PHLPP1: variants seen among roughly 807,000 people sequenced by gnomAD.
PHLPP1 encodes PH domain and leucine rich repeat protein phosphatase 1.
In PHLPP1, 42 loss-of-function variants were observed where a neutral mutation model predicts 117.2. That is an observed-to-expected ratio of 0.36 (90% CI 0.28 to 0.46). The LOEUF (loss-of-function observed/expected upper bound fraction) is 0.46, where lower values mean the gene tolerates loss of function less well. Ranked by LOEUF, PHLPP1 falls within the 20% of genes least tolerant of loss-of-function variation. The pLI, the probability that PHLPP1 is intolerant of heterozygous loss-of-function variation, is 1.00. For missense variants in PHLPP1, 2,084 were observed against 2,241.9 expected, an observed-to-expected ratio of 0.93 and a Z score of 1.42; for synonymous variants, 1,042 against 970.7, an observed-to-expected ratio of 1.07 and a Z score of -1.37.
In PHLPP1 at chr18:62,716,077, G is replaced by A. The variant is rs1425209608; in HGVS notation, c.394G>A (p.Ala132Thr). The change falls in exon 1 of 17, where the codon GCG becomes ACG. Residue 132 changes from alanine (A) to threonine (T), a missense_variant. Ala to Thr is a moderately conservative substitution (Grantham distance 58). Coordinates refer to ENST00000262719, the MANE Select transcript of PHLPP1 (RefSeq NM_194449.4). The surrounding 1 kb of genome is among the most constrained non-coding windows in gnomAD (Gnocchi z 5.7). ...AGGGCGGCTGAAGAGGAATCTGTCC[G>A]CGGCCGCCGCGGCCGCCTCCTCGTC... The part of the protein sequence containing the change: ...RRGRLKRNLS[A>T]AAAAASSSSS... 16 of 1,486,786 alleles carry A rather than the reference G, an allele frequency of 1.1e-5. No individual in the cohort carries two copies. Among genetic ancestry groups the A allele is most frequent in the Non-Finnish European group, 1.4e-5 (16 of 1,127,236 alleles). 92.1% of individuals were successfully genotyped at this position (1,486,786 alleles called of 1,614,324 possible).
In PHLPP1 at chr18:62,716,597, C is replaced by A. The variant is rs1910747212; in HGVS notation, c.914C>A (p.Pro305His). 1 of 1,300,344 alleles carries A rather than the reference C, an allele frequency of 7.7e-7. No homozygotes were observed. Among genetic ancestry groups the A allele is most frequent in the Non-Finnish European group, 9.7e-7 (1 of 1,026,954 alleles). 80.6% of individuals were successfully genotyped at this position (1,300,344 alleles called of 1,614,324 possible). A position where few individuals can be genotyped will look rare whatever the true frequency, so the allele number is the denominator to read the frequency against. Reference protein sequence around the residue: ...PRAPPADLPLPVGGPGGWSRR... With the variant: ...PRAPPADLPLHVGGPGGWSRR... ...GCGCCCCCCGCCGACCTACCCCTGC[C>A]CGTCGGCGGCCCGGGCGGGTGGTCG... Residue 305 changes from proline (P) to histidine (H), a missense_variant, in exon 1 of 17, where the codon CCC (proline) becomes CAC (histidine). Pro to His is a moderately conservative substitution (Grantham distance 77). Transcript: ENST00000262719. This position sits in a 1 kb window ranked among gnomAD's most constrained non-coding sequence, Gnocchi z 5.7.
At chr18:62,772,759 A>G (rs558816810) in intron 1 of PHLPP1, among the ~76,000 whole-genome samples, 266 of 147,690 alleles carry the variant, frequency 1.8e-3, no homozygotes, top group African/African-American at 6.6e-3. Context: ...TGAACCTGGC[A>G]GGTGGAGGTT....
intron 3 of PHLPP1, among the ~76,000 whole-genome samples, chr18:62,849,645 G>C (rs557323364): frequency 2.0e-4 from 17 of 86,204 alleles, no homozygotes; most frequent in Non-Finnish European, 3.4e-4. Flanking sequence ...TTGAGATTCT[G>C]TCTCAAAAAA....
intron 4 of PHLPP1, among the ~76,000 whole-genome samples, chr18:62,885,118 G>A (rs1463749614): frequency 1.3e-5 from 2 of 152,194 alleles, no homozygotes; most frequent in African/African-American, 4.8e-5. Flanking sequence ...TTAAGAAAAT[G>A]AAAAAGATTA....
chr18:62,755,925 C>T (rs1912001840), intron 1 of PHLPP1, among the ~76,000 whole-genome samples: 1 of 151,842 alleles, frequency 6.6e-6, no homozygotes, highest in South Asian at 2.1e-4. Flanking sequence ...TTCTTTTTGC[C>T]ATTTCTTTAT....
At chr18:62,876,856 G>A (rs1435844289) in intron 4 of PHLPP1, among the ~76,000 whole-genome samples, 1 of 152,302 alleles carries the variant, frequency 6.6e-6, no homozygotes, top group East Asian at 1.9e-4. Flanking sequence ...GGGTCAAGAG[G>A]GGAGTGAATT....
chr18:62,906,628 T>C (rs1397627072), intron 8 of PHLPP1, among the ~76,000 whole-genome samples: 1 of 38,064 alleles, frequency 2.6e-5, no homozygotes, highest in African/African-American at 1.0e-4. Context: ...CACGAGACTA[T>C]ATCCCACACC....
intron 1 of PHLPP1, among the ~76,000 whole-genome samples, chr18:62,787,703 A>G (rs1157605057): frequency 6.6e-6 from 1 of 152,220 alleles, no homozygotes; most frequent in Non-Finnish European, 1.5e-5. Flanking sequence ...TAATTTTCAC[A>G]GAAATTACTT....
intron 4 of PHLPP1, among the ~76,000 whole-genome samples, chr18:62,894,662 C>T (rs1916508558): frequency 6.6e-6 from 1 of 152,212 alleles, no homozygotes; most frequent in Non-Finnish European, 1.5e-5. Flanking sequence ...GCCAGCTCTG[C>T]CTGGTCCCTT....
intron 12 of PHLPP1, among the ~76,000 whole-genome samples, chr18:62,951,922 C>T (rs946208795): frequency 6.7e-6 from 1 of 150,010 alleles, no homozygotes; most frequent in Non-Finnish European, 1.5e-5. Context: ...TCACGCCATT[C>T]TCCTGCCTCA....
intron 4 of PHLPP1, among the ~76,000 whole-genome samples, chr18:62,872,332 T>C (rs899799253): frequency 3.9e-5 from 6 of 152,220 alleles, no homozygotes; most frequent in African/African-American, 1.4e-4. Flanking sequence ...GTGGTCAGAA[T>C]GTTGCTTTCC....
Position 62,978,363 on chromosome 18 carries a change from G to C in PHLPP1, c.4086G>C (p.Leu1362=), listed in dbSNP as rs773680799. The part of the protein sequence containing the change: ...VPRPHVQSVL[L]TPQDEFFILG... ...GCCCCCACGTGCAGTCCGTGCTCCT[G>C]ACTCCCCAGGATGAGTTCTTCATCC... is the stretch of plus-strand genomic sequence containing the variant. Residue 1362 remains leucine (L), a synonymous_variant, in exon 17 of 17, where the codon CTG becomes CTC. Transcript: ENST00000262719. The surrounding 1 kb of genome is among the most constrained non-coding windows in gnomAD (Gnocchi z 7.0). 6.2e-7 allele frequency: 1 copy of C among 1,612,704 alleles called. No homozygotes were observed. Among genetic ancestry groups the C allele is most frequent in the African/African-American group, 1.3e-5 (1 of 74,996 alleles).
Position 62,975,502 on chromosome 18 carries a change from T to G in PHLPP1, c.3861T>G (p.Asn1287Lys). Residue 1287 changes from asparagine to lysine, a missense_variant, in exon 16 of 17, where the codon AAT becomes AAG. Asn to Lys is a moderately conservative substitution (Grantham distance 94). Around this residue, in one of 2 missense-constraint regions of PHLPP1, gnomAD observed 1,365 missense variants for 1,605.9 expected, o/e 0.85. Coordinates refer to ENST00000262719, the MANE Select transcript of PHLPP1 (RefSeq NM_194449.4). The part of the protein sequence containing the change: ...PGGSFTLTSA[N>K]VGKCQTVLCR... ...GATCCTTCACCTTGACCTCTGCTAATGTGGGCAAGTGCCAAACAGTTCTCT... is the reference window on the plus strand; with the variant it reads ...GATCCTTCACCTTGACCTCTGCTAAGGTGGGCAAGTGCCAAACAGTTCTCT... 6.2e-7 allele frequency: 1 copy of G among 1,613,388 alleles called. No homozygotes were observed. Among genetic ancestry groups the G allele is most frequent in the Non-Finnish European group, 8.5e-7 (1 of 1,179,296 alleles).
intron 1 of PHLPP1, among the ~76,000 whole-genome samples, chr18:62,772,736 G>T (rs1401191127): frequency 6.7e-6 from 1 of 149,326 alleles, no homozygotes; most frequent in Non-Finnish European, 1.5e-5. Flanking sequence ...GGGGCTGAGG[G>T]ATGAGAATGG....
intron 2 of PHLPP1, among the ~76,000 whole-genome samples, chr18:62,835,687 G>T (rs1423725402): frequency 6.6e-6 from 1 of 151,604 alleles, no homozygotes; most frequent in Non-Finnish European, 1.5e-5. Flanking sequence ...AATAGTATGG[G>T]TGTCTTTAAT....
At chr18:62,755,385 A>C (rs1008948413) in intron 1 of PHLPP1, among the ~76,000 whole-genome samples, 1 of 152,090 alleles carries the variant, frequency 6.6e-6, no homozygotes, top group African/African-American at 2.4e-5. Context: ...AAGAGGGCAA[A>C]GTTTAGATAG....
At chr18:62,962,550 C>A (rs1267404578) in intron 13 of PHLPP1, among the ~76,000 whole-genome samples, 1 of 152,192 alleles carries the variant, frequency 6.6e-6, no homozygotes, top group Non-Finnish European at 1.5e-5. Flanking sequence ...CTCAGGTGAT[C>A]CGCCCGCCTT....
rs1453691015 is a variant in PHLPP1 at position 62,902,956 on chromosome 18, C to T, written c.2445-8C>T. 3.8e-6 allele frequency: 6 copies of T among 1,589,142 alleles called. No individual in the cohort carries two copies. The highest frequency in any genetic ancestry group is 1.3e-5 in the African/African-American group (1 of 74,512). ...TTAATTATAGTCTCTATGTCCTTTGCCCTCAAGGTTGAACGTAATTAGGAA... is the reference window on the plus strand; with the variant it reads ...TTAATTATAGTCTCTATGTCCTTTGTCCTCAAGGTTGAACGTAATTAGGAA... On this transcript the variant is annotated splice_region_variant and splice_polypyrimidine_tract_variant and intron_variant, in intron 6 of 16. Transcript: ENST00000262719.
intron 12 of PHLPP1, among the ~76,000 whole-genome samples, chr18:62,947,877 T>G (rs535976006): frequency 6.6e-6 from 1 of 151,396 alleles, no homozygotes; most frequent in Non-Finnish European, 1.5e-5. Context: ...AATACAAAAA[T>G]AAGCCAGGCA....
Sources: allele counts gnomAD v4.1 joint callset (sites outside exome capture counted in the v4.1 genomes callset), GRCh38; gene constraint gnomAD v4.1.1; regional missense constraint gnomAD v4.1.1; non-coding constraint Gnocchi (gnomAD v3.1); transcripts MANE v1.5; gene names NCBI Gene and HGNC (gene_info 2026-07-23, HGNC 2026-07-21).